Variants in FAM169A observed in about 807,000 individuals in gnomAD.
FAM169A encodes family with sequence similarity 169 member A, also known as soluble lamin-associated protein of 75 kDa.
In FAM169A, 24 loss-of-function variants were observed where a neutral mutation model predicts 75.7. The ratio of observed to expected loss-of-function variants is 0.32; its 90% CI spans 0.23 to 0.45. The LOEUF (loss-of-function observed/expected upper bound fraction) is 0.45, where lower values mean the gene tolerates loss of function less well. Ranked by LOEUF, FAM169A falls within the 20% of genes least tolerant of loss-of-function variation. The probability of loss-of-function intolerance (pLI) is 1.00; values close to 1 mark genes in which losing one functional copy is unlikely to be tolerated. For synonymous variants in FAM169A, 271 were observed against 271.0 expected (o/e 1.00, Z 0.00); for missense variants, 673 against 784.0 (o/e 0.86, Z 1.69).
chr5:74,821,814 T>G (rs529987677), intron 5 of FAM169A, among the ~76,000 whole-genome samples: 1 of 152,308 alleles, frequency 6.6e-6, no homozygotes, highest in East Asian at 1.9e-4. Flanking sequence ...AACTAAAATT[T>G]ATTTCCTATT....
chr5:74,836,894 G>C (rs1242278004), intron 4 of FAM169A, among the ~76,000 whole-genome samples: 1 of 151,424 alleles, frequency 6.6e-6, no homozygotes, highest in Non-Finnish European at 1.5e-5. Context: ...GTTGCAGTGA[G>C]CCGAGATCAT....
At chr5:74,863,661 A>G (rs751265364) in intron 1 of FAM169A, among the ~76,000 whole-genome samples, 1 of 152,220 alleles carries the variant, frequency 6.6e-6, no homozygotes, top group African/African-American at 2.4e-5. Context: ...AGGAGCTAAT[A>G]GAGAAAAATA....
At chr5:74,856,770 A>G (rs1749727785) in intron 1 of FAM169A, among the ~76,000 whole-genome samples, 1 of 151,170 alleles carries the variant, frequency 6.6e-6, no homozygotes. Flanking sequence ...TGGATCAGAC[A>G]GTATCTGCAG....
intron 5 of FAM169A, among the ~76,000 whole-genome samples, chr5:74,830,895 A>G (rs1195480839): frequency 1.3e-5 from 2 of 152,198 alleles, no homozygotes; most frequent in African/African-American, 4.8e-5. Context: ...ATTCCTATAT[A>G]GCATAATGTC....
chr5:74,825,901 G>T (rs1747999237), intron 5 of FAM169A, among the ~76,000 whole-genome samples: 1 of 152,048 alleles, frequency 6.6e-6, no homozygotes, highest in Admixed American at 6.6e-5. Context: ...AATTCATTGT[G>T]ATGGATGCTC....
At chr5:74,816,555 CT>C (rs1747481622) in intron 5 of FAM169A, among the ~76,000 whole-genome samples, 1 of 152,118 alleles carries the variant, frequency 6.6e-6, no homozygotes, top group South Asian at 2.1e-4. Context: ...CATACTGGTT[CT>C]CTTCCTTCAC....
At chr5:74,806,753 T>C (rs1018396361) in intron 6 of FAM169A, among the ~76,000 whole-genome samples, 5 of 152,150 alleles carry the variant, frequency 3.3e-5, no homozygotes, top group African/African-American at 4.8e-5. Context: ...AGGAGATATT[T>C]AGAGTAAAAC....
intron 11 of FAM169A, among the ~76,000 whole-genome samples, chr5:74,789,189 C>T (rs1421845800): frequency 1.3e-5 from 2 of 152,226 alleles, no homozygotes; most frequent in African/African-American, 2.4e-5. Context: ...TGGCCCATAA[C>T]ATTGATGACA....
At chr5:74,858,626 T>A (rs1487251435) in intron 1 of FAM169A, among the ~76,000 whole-genome samples, 1 of 152,024 alleles carries the variant, frequency 6.6e-6, no homozygotes, top group Admixed American at 6.6e-5. Context: ...AAGCTACCTA[T>A]CAGGTACTAT....
At position 74,841,795 on chromosome 5, in the gene FAM169A, G is replaced by A. The variant is rs1748880796; in HGVS notation, c.-3-116C>T. ...TATTTTGTTATAACAAGATTTTTCT[G>A]TTTCACTTTGCCCGCAGAATACAAC... is the stretch of plus-strand genomic sequence containing the variant. On this transcript the variant is annotated intron_variant, in intron 1 of 12. Coordinates refer to ENST00000687041, the MANE Select transcript of FAM169A (RefSeq NM_001376049.1). 40 of 895,034 alleles carry A rather than the reference G, an allele frequency of 4.5e-5. No individual in the cohort carries two copies. In the South Asian group the frequency reaches 8.9e-4, roughly 20 times the overall value. 55.4% of individuals were successfully genotyped at this position (895,034 alleles called of 1,614,324 possible). A position where few individuals can be genotyped will look rare whatever the true frequency, so the allele number is the denominator to read the frequency against.
intron 12 of FAM169A, among the ~76,000 whole-genome samples, chr5:74,782,337 G>T (rs1745455160): frequency 1.3e-5 from 2 of 151,984 alleles, no homozygotes; most frequent in South Asian, 4.2e-4. Context: ...TAGTTTCCTG[G>T]TGTTACTGGA....
intron 5 of FAM169A, among the ~76,000 whole-genome samples, chr5:74,815,637 T>C (rs1009991648): frequency 1.3e-5 from 2 of 152,188 alleles, no homozygotes; most frequent in African/African-American, 4.8e-5. Flanking sequence ...TGAGACCTAC[T>C]GGGTTGCATT....
intron 1 of FAM169A, among the ~76,000 whole-genome samples, chr5:74,847,043 T>C (rs1159211161): frequency 6.6e-6 from 1 of 152,166 alleles, no homozygotes; most frequent in Admixed American, 6.5e-5. Flanking sequence ...CAAGTGCCGG[T>C]ATCACTATAT....
At chr5:74,789,918 G>A (rs1745888475) in intron 11 of FAM169A, among the ~76,000 whole-genome samples, 1 of 152,206 alleles carries the variant, frequency 6.6e-6, no homozygotes, top group Non-Finnish European at 1.5e-5. Context: ...GAAACCGAAT[G>A]CTTGATTATG....
chr5:74,807,501 G>A (rs1403220061), intron 6 of FAM169A, among the ~76,000 whole-genome samples: 4 of 152,110 alleles, frequency 2.6e-5, no homozygotes, highest in Non-Finnish European at 5.9e-5. Context: ...TGTTTCTACT[G>A]AATGAGTATC....
At chr5:74,787,630 T>C (rs889541596) in intron 11 of FAM169A, among the ~76,000 whole-genome samples, 6 of 152,168 alleles carry the variant, frequency 3.9e-5, no homozygotes, top group East Asian at 1.9e-4. Context: ...ACGGGAATAA[T>C]TGGATCCTGA....
At chr5:74,856,084 T>A (rs1749691392) in intron 1 of FAM169A, among the ~76,000 whole-genome samples, 1 of 152,208 alleles carries the variant, frequency 6.6e-6, no homozygotes, top group Non-Finnish European at 1.5e-5. Flanking sequence ...CAAAAATGAG[T>A]TCACTGTAGA....
chr5:74,810,974 A>ATTTTT lies in FAM169A; in HGVS notation c.670+2861_670+2865dup, dbSNP rs764689046. Among the ~76,000 whole-genome samples, 547 of 99,840 alleles carry ATTTTT rather than the reference A, an allele frequency of 5.5e-3. 8 individuals are homozygous for ATTTTT. The highest frequency in any genetic ancestry group is 0.021 in the African/African-American group (520 of 24,462). 65.5% of individuals were successfully genotyped at this position (99,840 alleles called of 152,430 possible). A position where few individuals can be genotyped will look rare whatever the true frequency, so the allele number is the denominator to read the frequency against. ...TACAGGCGCACACCACTAGGCCTGG[A>ATTTTT]TTTTTTTTTTTTTTTTTTTTTTCCT... On this transcript the variant is annotated intron_variant, in intron 6 of 12. Coordinates refer to ENST00000687041, the MANE Select transcript of FAM169A (RefSeq NM_001376049.1).
chr5:74,862,404 G>C (rs1206454945), intron 1 of FAM169A, among the ~76,000 whole-genome samples: 3 of 152,174 alleles, frequency 2.0e-5, no homozygotes, highest in African/African-American at 7.2e-5. Context: ...TGCTGGGACT[G>C]TCTCTCGTCA....
Sources: allele counts gnomAD v4.1 joint callset (sites outside exome capture counted in the v4.1 genomes callset), GRCh38; gene constraint gnomAD v4.1.1; transcripts MANE v1.5; gene names NCBI Gene and HGNC (gene_info 2026-07-23, HGNC 2026-07-21).